Variants in ADAP2 observed in about 807,000 individuals in gnomAD.
ADAP2 encodes the protein ArfGAP with dual PH domains 2, also known as arf-GAP with dual PH domain-containing protein 2.
In ADAP2, 42 loss-of-function variants were observed where a neutral mutation model predicts 54.9. The observed-to-expected ratio is 0.77, with a 90% CI of 0.60 to 0.99. The LOEUF (loss-of-function observed/expected upper bound fraction) is 0.99, where lower values mean the gene tolerates loss of function less well. ADAP2 is among the 50% of genes least tolerant of loss of function. The pLI is 0.00. For synonymous variants in ADAP2, 177 were observed against 180.1 expected, an observed-to-expected ratio of 0.98 and a Z score of 0.14; for missense variants, 429 against 480.4, an observed-to-expected ratio of 0.89 and a Z score of 1.00.
chr17:30,931,743 C>A, intron 3 of ADAP2, 146 bp from the exon 4 acceptor site: 1 of 540,690 alleles, frequency 1.8e-6, no homozygotes, highest in Non-Finnish European at 3.3e-6. Context: ...ATCGCCTGGG[C>A]CTAGGAGGTC....
intron 5 of ADAP2, among the ~76,000 whole-genome samples, chr17:30,944,242 G>A (rs1889901501): frequency 1.3e-5 from 2 of 152,148 alleles, no homozygotes; most frequent in South Asian, 4.1e-4. Context: ...AACGTGGATT[G>A]ATCTGGAGAA....
At chr17:30,934,374 G>T in intron 5 of ADAP2, 77 bp downstream of exon 5, 3 of 974,346 alleles carry the variant, frequency 3.1e-6, no homozygotes, top group Non-Finnish European at 3.1e-6. Context: ...CTAATCAGTG[G>T]TGCCCTTTTC....
At chr17:30,922,915 T>C in intron 1 of ADAP2, 25 bp from the exon 2 acceptor site, 2 of 1,609,142 alleles carry the variant, frequency 1.2e-6, no homozygotes, top group Non-Finnish European at 1.7e-6. Flanking sequence ...TCCGCTCAGC[T>C]CCTCTCCTGC....
intron 9 of ADAP2, among the ~76,000 whole-genome samples, chr17:30,955,921 T>C (rs1198416421): frequency 2.6e-5 from 4 of 151,984 alleles, no homozygotes; most frequent in Non-Finnish European, 4.4e-5. Flanking sequence ...ATTAATAATT[T>C]TTTTTTGTAG....
At chr17:30,957,298 C>A (rs768764814) in intron 10 of ADAP2, among the ~76,000 whole-genome samples, 18 of 152,140 alleles carry the variant, frequency 1.2e-4, no homozygotes, top group Non-Finnish European at 2.6e-4. Flanking sequence ...TTATGAATCT[C>A]TTGGTTTCTC....
intron 7 of ADAP2, 103 bp downstream of exon 7, chr17:30,949,473 G>T: frequency 9.1e-7 from 1 of 1,102,214 alleles, no homozygotes. Context: ...CTAGGGCTGG[G>T]CGCGGTGGCT....
At chr17:30,946,086 C>T (rs1301312935) in intron 6 of ADAP2, among the ~76,000 whole-genome samples, 1 of 150,616 alleles carries the variant, frequency 6.6e-6, no homozygotes, top group Non-Finnish European at 1.5e-5. Flanking sequence ...ACCCAGGAGG[C>T]AGAGCTTGCA....
chr17:30,944,613 C>T (rs890408759), intron 5 of ADAP2, among the ~76,000 whole-genome samples: 2 of 152,160 alleles, frequency 1.3e-5, no homozygotes, highest in Non-Finnish European at 2.9e-5. Context: ...GTGTCTACCA[C>T]CACGCCCAGC....
chr17:30,944,790 C>A, intron 5 of ADAP2, 117 bp from the exon 6 acceptor site: 2 of 1,080,110 alleles, frequency 1.9e-6, no homozygotes, highest in South Asian at 3.0e-5. Context: ...AGAGCAAGAA[C>A]ATTTAAAACC....
At chr17:30,941,826 G>C (rs1912290675) in intron 5 of ADAP2, among the ~76,000 whole-genome samples, 1 of 152,094 alleles carries the variant, frequency 6.6e-6, no homozygotes, top group African/African-American at 2.4e-5. Context: ...GAAGTCTTTT[G>C]GGGTGACATT....
intron 3 of ADAP2, among the ~76,000 whole-genome samples, chr17:30,929,791 G>A (rs931276426): frequency 5.3e-5 from 8 of 152,070 alleles, no homozygotes; most frequent in East Asian, 3.9e-4. Flanking sequence ...CAACCTCCTC[G>A]GCTCAAGTGA....
chr17:30,948,188 A>G (rs1041018807), intron 6 of ADAP2, among the ~76,000 whole-genome samples: 2 of 152,224 alleles, frequency 1.3e-5, no homozygotes, highest in African/African-American at 2.4e-5. Context: ...GAAGGAGCTC[A>G]GACAGCAAAA....
chr17:30,927,498 C>G (rs563866658), intron 3 of ADAP2, among the ~76,000 whole-genome samples: 1 of 151,978 alleles, frequency 6.6e-6, no homozygotes, highest in Non-Finnish European at 1.5e-5. Context: ...CACTGGAGTC[C>G]CAGCTACTTG....
At chr17:30,953,864 T>C (rs925048116) in intron 8 of ADAP2, among the ~76,000 whole-genome samples, 2 of 144,514 alleles carry the variant, frequency 1.4e-5, no homozygotes, top group Non-Finnish European at 2.9e-5. Context: ...TAAAACATTA[T>C]GAGATATTTT....
In ADAP2 at chr17:30,956,219, AC is replaced by A. The variant is rs769470362; in HGVS notation, c.883-19del. The stretch of plus-strand genomic sequence containing the variant: ...TCTGCCCTGGGGGCACCCTCTGATG[AC>A]CCTGTACTCTCCATTTTCAGGATGC... On this transcript the variant is annotated intron_variant, in intron 9 of 10. Coordinates refer to ENST00000330889, the MANE Select transcript of ADAP2 (RefSeq NM_018404.3). The A allele has an allele frequency of 2.5e-6, 4 of 1,610,640 alleles. No homozygotes were observed. In the Admixed American group the frequency reaches 6.7e-5, roughly 27 times the overall value.
At chr17:30,955,068 T>C (rs920385754) in intron 9 of ADAP2, among the ~76,000 whole-genome samples, 17 of 152,004 alleles carry the variant, frequency 1.1e-4, no homozygotes, top group Admixed American at 2.0e-4. Context: ...TTGTAATTCC[T>C]GATGCTGATT....
chr17:30,923,092 G>A (rs1910763303), intron 2 of ADAP2, 22 bp downstream of exon 2: 1 of 1,612,616 alleles, frequency 6.2e-7, no homozygotes, highest in East Asian at 2.2e-5. Flanking sequence ...TGCCCGTGGA[G>A]AGCCATGGAA....
At position 30,953,331 on chromosome 17, in the gene ADAP2, T is replaced by C. The variant is rs139594986; in HGVS notation, c.785T>C (p.Met262Thr). 26 of 1,613,988 alleles carry C rather than the reference T, an allele frequency of 1.6e-5. No homozygotes were observed. In the African/African-American group the frequency reaches 3.2e-4, roughly 20 times the overall value. ...AGGAACTACCTCAAACAAGGCTTCA[T>C]GGAAAAGACTGGGCCAAAGGTACCT... Reference protein sequence around the residue: ...LTRNYLKQGFMEKTGPKQKEP... With the variant: ...LTRNYLKQGFTEKTGPKQKEP... The change falls in exon 8 of 11, where the codon ATG (methionine) becomes ACG (threonine). Residue 262 changes from methionine to threonine, a missense_variant. Met to Thr is a moderately conservative substitution (Grantham distance 81). Transcript: ENST00000330889.
intron 3 of ADAP2, among the ~76,000 whole-genome samples, chr17:30,927,342 G>T (rs182233473): frequency 6.6e-6 from 1 of 151,982 alleles, no homozygotes; most frequent in Non-Finnish European, 1.5e-5. Flanking sequence ...GGCCAGGCAC[G>T]GTGGCTCAGG....
Sources: gnomAD v4.1 joint callset for allele counts (sites outside exome capture counted in the v4.1 genomes callset) on GRCh38, gnomAD v4.1.1 for gene constraint, MANE v1.5 for transcripts, NCBI Gene and HGNC (gene_info 2026-07-23, HGNC 2026-07-21) for gene names.